Variants in AP1G1 observed in about 807,000 individuals in gnomAD.
The protein encoded by AP1G1 is AP-1 complex subunit gamma-1.
A neutral mutation model predicts 108.3 loss-of-function variants in AP1G1; 7 were observed. That is an observed-to-expected ratio of 0.06 (90% confidence interval 0.04 to 0.12). The LOEUF is 0.12. Among genes scored for constraint, AP1G1 ranks in the 10% least tolerant of loss-of-function variants. The probability of loss-of-function intolerance (pLI) is 1.00; values close to 1 mark genes in which losing one functional copy is unlikely to be tolerated. For missense variants in AP1G1, 756 were observed against 1,010.7 expected, an observed-to-expected ratio of 0.75 and a Z score of 3.42; for synonymous variants, 379 against 353.5, an observed-to-expected ratio of 1.07 and a Z score of -0.81.
intron 10 of AP1G1, among the ~76,000 whole-genome samples, chr16:71,760,441 AGG>A (rs1307638121): frequency 6.6e-6 from 1 of 150,546 alleles, no homozygotes; most frequent in Non-Finnish European, 1.5e-5. Flanking sequence ...GCTACTCGGG[AGG>A]GTGAGGCAAG....
chr16:71,795,132 G>A (rs189482700), intron 1 of AP1G1, among the ~76,000 whole-genome samples: 13 of 151,950 alleles, frequency 8.6e-5, no homozygotes, highest in African/African-American at 2.9e-4. Context: ...CCCAGATAAC[G>A]TTCTCCCTGC....
chr16:71,743,593 ACT>A (rs2029985493), intron 19 of AP1G1: 1 of 136,142 alleles, frequency 7.3e-6, no homozygotes, highest in Non-Finnish European at 1.5e-5. Context: ...ACAGAGTGAG[ACT>A]CTGTCTCAAA....
chr16:71,789,429 G>T lies in AP1G1; in HGVS notation c.51C>A (p.Ala17=). The change falls in exon 2 of 23, where the codon GCC becomes GCA. Residue 17 remains alanine, a synonymous_variant. Coordinates refer to ENST00000299980, the MANE Select transcript of AP1G1 (RefSeq NM_001128.6). ...LRELIRTIRT[A]RTQAEEREMI... ...TTTCTCGTTCTTCAGCTTGGGTTCG[G>T]GCTGTCCGGATGGTCCGGATCAGCT... The T allele has an allele frequency of 6.2e-7, 1 of 1,614,098 alleles. No individual in the cohort carries two copies. Among genetic ancestry groups the T allele is most frequent in the Non-Finnish European group, 8.5e-7 (1 of 1,180,022 alleles).
At chr16:71,791,059 AAAAAT>A (rs1013733475) in intron 1 of AP1G1, among the ~76,000 whole-genome samples, 1 of 152,080 alleles carries the variant, frequency 6.6e-6, no homozygotes, top group Non-Finnish European at 1.5e-5. Flanking sequence ...TGTCTCTACA[AAAAAT>A]ACAAAAATTA....
chr16:71,748,763 T>C (rs1459543213), intron 15 of AP1G1, among the ~76,000 whole-genome samples: 1 of 152,194 alleles, frequency 6.6e-6, no homozygotes, highest in Non-Finnish European at 1.5e-5. Context: ...AGAACATGGA[T>C]ACATGTCTCA....
rs2030429253 is a variant in AP1G1 at position 71,750,520 on chromosome 16, T to C, written c.1285-188A>G. 11 of 529,032 alleles carry C rather than the reference T, an allele frequency of 2.1e-5. No homozygotes were observed. In the South Asian group the frequency reaches 2.4e-4, roughly 11 times the overall value. 32.8% of individuals were successfully genotyped at this position (529,032 alleles called of 1,614,324 possible). On this transcript the variant is annotated intron_variant, in intron 13 of 22. Coordinates refer to ENST00000299980, the MANE Select transcript of AP1G1 (RefSeq NM_001128.6). Reference sequence around the variant, plus strand: ...ACCTCCACCTCCCAGGTTCAAGCGATTCTCATGCCTCAGCCTCCCAAGTAG... The same window carrying C: ...ACCTCCACCTCCCAGGTTCAAGCGACTCTCATGCCTCAGCCTCCCAAGTAG...
intron 10 of AP1G1, among the ~76,000 whole-genome samples, chr16:71,759,476 T>C (rs2030970944): frequency 6.9e-6 from 1 of 144,116 alleles, no homozygotes; most frequent in African/African-American, 2.6e-5. Context: ...AAAATAAAAT[T>C]GGGACTGGGC....
chr16:71,734,282 G>GT (rs1196187558), intron 22 of AP1G1, among the ~76,000 whole-genome samples: 1 of 152,194 alleles, frequency 6.6e-6, no homozygotes, highest in Non-Finnish European at 1.5e-5. Context: ...AGCAGTAAAT[G>GT]TAGGTATTTG....
intron 19 of AP1G1, chr16:71,742,493 A>T (rs1472152480): frequency 6.6e-6 from 1 of 152,254 alleles, no homozygotes; most frequent in African/African-American, 2.4e-5. Context: ...AGTGCCTACT[A>T]TGTATCATGC....
rs1467116732 is a variant in AP1G1, at chr16:71,733,030, G to A, written c.*28C>T. 3.2e-6 allele frequency: 5 copies of A among 1,569,024 alleles called. No individual in the cohort carries two copies. The African/African-American group carries it at 5.4e-5, about 17-fold the overall frequency. On this transcript the variant is annotated 3_prime_UTR_variant, in exon 23 of 23. Coordinates refer to ENST00000299980, the MANE Select transcript of AP1G1 (RefSeq NM_001128.6). ...TCCCAGAGTTCCTTTGATTGAGTGG[G>A]ATAAAGAATGAGAATGGTGCCAAAC...
intron 6 of AP1G1, chr16:71,767,847 T>C (rs780309975): frequency 4.4e-6 from 7 of 1,597,508 alleles, no homozygotes; most frequent in Non-Finnish European, 5.9e-6. Flanking sequence ...AATGCCAGCA[T>C]GCACCATCTA....
chr16:71,794,922 T>C (rs2032533932), intron 1 of AP1G1, among the ~76,000 whole-genome samples: 1 of 149,702 alleles, frequency 6.7e-6, no homozygotes, highest in South Asian at 2.1e-4. Flanking sequence ...AGATCTTCAT[T>C]TGCCTTGTTC....
intron 2 of AP1G1, among the ~76,000 whole-genome samples, chr16:71,782,480 T>C (rs183454629): frequency 6.6e-6 from 1 of 150,376 alleles, no homozygotes; most frequent in East Asian, 2.0e-4. Flanking sequence ...ATTATTATTA[T>C]TATTATTATT....
At chr16:71,744,573 T>TTG (rs2030065375) in intron 19 of AP1G1, among the ~76,000 whole-genome samples, 3 of 144,462 alleles carry the variant, frequency 2.1e-5, no homozygotes, top group Admixed American at 1.4e-4. Context: ...GAAAGTGTGT[T>TTG]TTTTTTTTTT....
intron 2 of AP1G1, among the ~76,000 whole-genome samples, chr16:71,779,339 T>C (rs1299341956): frequency 6.6e-6 from 1 of 150,906 alleles, no homozygotes; most frequent in Non-Finnish European, 1.5e-5. Context: ...TATATGACTC[T>C]CTTTTTTGGG....
At chr16:71,779,355 G>A (rs2031915220) in intron 2 of AP1G1, among the ~76,000 whole-genome samples, 1 of 150,962 alleles carries the variant, frequency 6.6e-6, no homozygotes, top group Non-Finnish European at 1.5e-5. Flanking sequence ...TTGGGGAGTA[G>A]GGGGGAGAGT....
chr16:71,741,828 G>T (rs1393019219), intron 19 of AP1G1, among the ~76,000 whole-genome samples: 2 of 152,074 alleles, frequency 1.3e-5, no homozygotes, highest in Middle Eastern at 3.2e-3. Context: ...AAAATCAGAG[G>T]CTACTCAAGA....
At chr16:71,784,340 C>T (rs963435060) in intron 2 of AP1G1, among the ~76,000 whole-genome samples, 1 of 152,182 alleles carries the variant, frequency 6.6e-6, no homozygotes, top group African/African-American at 2.4e-5. Context: ...TGGTTCTCTG[C>T]AGTTTTGCTC....
intron 6 of AP1G1, among the ~76,000 whole-genome samples, chr16:71,768,223 C>A (rs972117185): frequency 6.8e-6 from 1 of 146,560 alleles, no homozygotes; most frequent in African/African-American, 2.5e-5. Flanking sequence ...AAAGGCCGGG[C>A]GCGGTAGCTC....
Sources: allele counts gnomAD v4.1 joint callset (sites outside exome capture counted in the v4.1 genomes callset), GRCh38; gene constraint gnomAD v4.1.1; transcripts MANE v1.5; gene names NCBI Gene and HGNC (gene_info 2026-07-23, HGNC 2026-07-21).